The following RAP1GAP2 variants were observed in gnomAD, a reference collection of about 807,000 sequenced individuals.
RAP1GAP2 encodes the protein RAP1 GTPase activating protein 2.
RAP1GAP2 carries 27 observed loss-of-function variants against 95.0 expected under a neutral mutation model. The ratio of observed to expected loss-of-function variants is 0.28; its 90% CI spans 0.21 to 0.39. The LOEUF (loss-of-function observed/expected upper bound fraction) is 0.39. Among genes scored for constraint, RAP1GAP2 ranks in the 10% least tolerant of loss-of-function variants. The pLI, the probability that RAP1GAP2 is intolerant of heterozygous loss-of-function variation, is 1.00. For synonymous variants in RAP1GAP2, 373 were observed against 380.9 expected, an observed-to-expected ratio of 0.98 and a Z score of 0.24; for missense variants, 771 against 970.0, an observed-to-expected ratio of 0.79 and a Z score of 2.72.
At chr17:2,761,818 G>A (rs1340854523) in intron 1 of RAP1GAP2, among the ~76,000 whole-genome samples, 1 of 151,892 alleles carries the variant, frequency 6.6e-6, no homozygotes, top group Non-Finnish European at 1.5e-5. Context: ...CGAAGGTTCC[G>A]GTTTTTCCAC....
intron 2 of RAP1GAP2, among the ~76,000 whole-genome samples, chr17:2,833,080 G>A (rs2070962485): frequency 6.6e-6 from 1 of 151,908 alleles, no homozygotes; most frequent in South Asian, 2.1e-4. Context: ...CACAGTTTAG[G>A]GTCCAGCTTA....
chr17:2,875,632 CAGG>C (rs1279341053), intron 2 of RAP1GAP2, among the ~76,000 whole-genome samples: 1 of 152,146 alleles, frequency 6.6e-6, no homozygotes, highest in Non-Finnish European at 1.5e-5. Flanking sequence ...CTGACCGTGA[CAGG>C]AGGATTGCAT....
At chr17:2,975,107 G>A (rs928944366) in intron 8 of RAP1GAP2, among the ~76,000 whole-genome samples, 1 of 152,166 alleles carries the variant, frequency 6.6e-6, no homozygotes, top group Non-Finnish European at 1.5e-5. Flanking sequence ...GCATGTGCCT[G>A]TATTCCCAGC....
chr17:3,018,547 T>G (rs2046854346), intron 18 of RAP1GAP2, among the ~76,000 whole-genome samples: 1 of 152,166 alleles, frequency 6.6e-6, no homozygotes, highest in African/African-American at 2.4e-5. Context: ...GACCCATGAC[T>G]GTGAGAGGGG....
intron 3 of RAP1GAP2, among the ~76,000 whole-genome samples, chr17:2,951,526 C>G (rs1007823281): frequency 1.3e-5 from 2 of 151,674 alleles, no homozygotes; most frequent in African/African-American, 4.8e-5. Flanking sequence ...CAAAACCAGC[C>G]TGGGCAACAT....
intron 2 of RAP1GAP2, among the ~76,000 whole-genome samples, chr17:2,878,157 G>T (rs912491293): frequency 6.6e-5 from 10 of 152,168 alleles, no homozygotes; most frequent in African/African-American, 2.2e-4. Flanking sequence ...TATGTTGCCG[G>T]CCGGGGACAC....
At chr17:2,995,545 C>A in intron 13 of RAP1GAP2, 79 bp downstream of exon 13, 1 of 1,564,694 alleles carries the variant, frequency 6.4e-7, no homozygotes, top group Non-Finnish European at 8.7e-7. Flanking sequence ...TGCTAAGAGG[C>A]TGTGGCCGTC....
At chr17:2,790,812 AG>A (rs957629027) in intron 1 of RAP1GAP2, among the ~76,000 whole-genome samples, 1 of 152,226 alleles carries the variant, frequency 6.6e-6, no homozygotes, top group African/African-American at 2.4e-5. Context: ...CCCGAGGGCC[AG>A]GGGACACAGT....
At chr17:2,947,528 A>T (rs557035066) in intron 3 of RAP1GAP2, among the ~76,000 whole-genome samples, 1 of 152,160 alleles carries the variant, frequency 6.6e-6, no homozygotes, top group Non-Finnish European at 1.5e-5. Flanking sequence ...ATATTTAGTC[A>T]TTCATCTGGC....
At chr17:2,917,245 G>A (rs1450232838) in intron 3 of RAP1GAP2, among the ~76,000 whole-genome samples, 2 of 152,064 alleles carry the variant, frequency 1.3e-5, no homozygotes, top group African/African-American at 4.8e-5. Flanking sequence ...TCTGCCTGGG[G>A]TTAAGGCTTC....
chr17:2,854,120 C>T (rs1016651519), intron 2 of RAP1GAP2: 1 of 985,330 alleles, frequency 1.0e-6, no homozygotes, highest in African/African-American at 1.7e-5. Flanking sequence ...CCTGCAGCGC[C>T]GGCCGCTTCC....
chr17:2,786,640 A>AT lies in RAP1GAP2; in HGVS notation c.-14+9376dup, dbSNP rs35938193. On this transcript the variant is annotated intron_variant, in intron 1 of 24. Coordinates refer to the RAP1GAP2 transcript ENST00000540393. ...CCTTTCTTTTCTTTTTTTTTCTTCA[A>AT]TTTTTTTTTTTTTTAATGTTTTGCG... is the stretch of plus-strand genomic sequence containing the variant. Among the ~76,000 whole-genome samples, 755 of 144,646 alleles carry AT rather than the reference A, an allele frequency of 5.2e-3. 6 individuals are homozygous for AT. Among genetic ancestry groups the AT allele is most frequent in the African/African-American group, 0.013 (501 of 39,232 alleles). 94.9% of individuals were successfully genotyped at this position (144,646 alleles called of 152,430 possible). A position where few individuals can be genotyped will look rare whatever the true frequency, so the allele number is the denominator to read the frequency against.
At chr17:3,025,243 G>A (rs1281895594) in intron 19 of RAP1GAP2, among the ~76,000 whole-genome samples, 1 of 152,150 alleles carries the variant, frequency 6.6e-6, no homozygotes, top group Non-Finnish European at 1.5e-5. Flanking sequence ...TGGCCATGGT[G>A]GTATACGCCT....
At chr17:2,991,444 T>G in intron 12 of RAP1GAP2, 47 bp downstream of exon 12, 1 of 1,441,556 alleles carries the variant, frequency 6.9e-7, no homozygotes, top group South Asian at 1.2e-5. Flanking sequence ...ACAAGGGCAC[T>G]AGAGGAAGGG....
rs377324035 is a variant in RAP1GAP2 at position 3,026,414 on chromosome 17, G to T, written c.1930G>T (p.Val644Phe). The T allele has an allele frequency of 6.4e-6, 10 of 1,552,694 alleles. No individual in the cohort carries two copies. In the South Asian group the frequency reaches 9.5e-5, roughly 15 times the overall value. ...ISRSSSSTSS[V>F]SSTAGEGEAM... ...CCGCTCCTCCTCCAGCACCAGCAGC[G>T]TCAGCAGCACTGCAGGGGAGGGCGA... Residue 644 changes from valine to phenylalanine, a missense_variant, in exon 21 of 25, where the codon GTC (valine) becomes TTC (phenylalanine). Transcript: ENST00000254695.
At chr17:2,927,475 C>T (rs1279580960) in intron 3 of RAP1GAP2, among the ~76,000 whole-genome samples, 2 of 152,176 alleles carry the variant, frequency 1.3e-5, no homozygotes, top group Non-Finnish European at 2.9e-5. Context: ...CTCACACCGC[C>T]GTCTCTCGGA....
chr17:2,800,694 C>G lies in RAP1GAP2; in HGVS notation c.80+144C>G, dbSNP rs186969014. On this transcript the variant is annotated intron_variant, in intron 2 of 24. Transcript: ENST00000254695. ...GTCCGAGTCCATGGTGCTTCCAGAT[C>G]GGAGGAGGCTGGACTAACTCTTATT... 2.9e-5 allele frequency: 26 copies of G among 896,912 alleles called. No individual in the cohort carries two copies. In the Admixed American group the frequency reaches 4.9e-4, roughly 17 times the overall value. 55.6% of individuals were successfully genotyped at this position (896,912 alleles called of 1,614,324 possible).
At chr17:2,986,163 A>G (rs978305800) in intron 11 of RAP1GAP2, among the ~76,000 whole-genome samples, 52 of 152,174 alleles carry the variant, frequency 3.4e-4, no homozygotes, top group Non-Finnish European at 8.8e-5. Flanking sequence ...TCTTGGTTAG[A>G]CGACACCTGA....
intron 3 of RAP1GAP2, among the ~76,000 whole-genome samples, chr17:2,933,849 A>G (rs1281140529): frequency 2.0e-5 from 3 of 152,282 alleles, no homozygotes; most frequent in African/African-American, 7.2e-5. Flanking sequence ...AGACCGGATC[A>G]GGACCAGGAG....
Sources: gnomAD v4.1 joint callset for allele counts (sites outside exome capture counted in the v4.1 genomes callset) on GRCh38, gnomAD v4.1.1 for gene constraint, MANE v1.5 for transcripts, NCBI Gene and HGNC (gene_info 2026-07-23, HGNC 2026-07-21) for gene names.